The following EBAG9 variants were observed in gnomAD, a reference collection of about 807,000 sequenced individuals.
The protein encoded by EBAG9 is receptor-binding cancer antigen expressed on SiSo cells.
In EBAG9, 16 loss-of-function variants were observed where a neutral mutation model predicts 30.9. The observed-to-expected ratio is 0.52, with a 90% CI of 0.35 to 0.79. EBAG9 has a LOEUF of 0.79. Among genes scored for constraint, EBAG9 ranks in the 30% least tolerant of loss-of-function variants. The pLI is 0.01. For missense variants in EBAG9, 197 were observed against 242.1 expected (o/e 0.81, Z 1.24); for synonymous variants, 93 against 82.8 (o/e 1.12, Z -0.67).
intron 6 of EBAG9, chr8:109,563,472 C>G (rs759778050): frequency 6.3e-7 from 1 of 1,597,548 alleles, no homozygotes; most frequent in South Asian, 1.1e-5. Context: ...CCTACATTAA[C>G]CAATCAGTAA....
chr8:109,545,222 TGA>T (rs57392819), intron 1 of EBAG9, among the ~76,000 whole-genome samples: 5,003 of 145,206 alleles, frequency 0.034, 122 homozygotes, highest in African/African-American at 0.078. Context: ...CTCAGGAGGC[TGA>T]GACAGGAGAA....
intron 6 of EBAG9, among the ~76,000 whole-genome samples, chr8:109,562,754 A>G (rs1821735763): frequency 6.6e-6 from 1 of 151,778 alleles, no homozygotes; most frequent in African/African-American, 2.4e-5. Context: ...CAGATTTTGA[A>G]ATTTTTGAGA....
chr8:109,562,035 A>C (rs560370975), intron 6 of EBAG9, among the ~76,000 whole-genome samples: 3 of 152,006 alleles, frequency 2.0e-5, no homozygotes, highest in Admixed American at 2.0e-4. Context: ...ATTGTGAACT[A>C]TAACACTTAG....
At chr8:109,555,401 GTTGT>G (rs1821579174) in intron 4 of EBAG9, among the ~76,000 whole-genome samples, 1 of 152,046 alleles carries the variant, frequency 6.6e-6, no homozygotes, top group South Asian at 2.1e-4. Flanking sequence ...CTAATTATCA[GTTGT>G]TTGTTTTCTG....
chr8:109,543,135 C>CTTTTTTTTTTTTT (rs557388998), intron 1 of EBAG9, among the ~76,000 whole-genome samples: 4 of 52,876 alleles, frequency 7.6e-5, no homozygotes, highest in African/African-American at 1.6e-4. Flanking sequence ...TATTCTGGTT[C>CTTTTTTTTTTTTT]TTTTTTTTTT....
Position 109,565,311 on chromosome 8 carries a change from C to G in EBAG9, c.*752C>G, listed in dbSNP as rs1403668762. The G allele has an allele frequency of 6.6e-6, 1 of 151,978 alleles. No individual in the cohort carries two copies. Among genetic ancestry groups the G allele is most frequent in the Non-Finnish European group, 1.5e-5 (1 of 67,860 alleles). 9.4% of individuals were successfully genotyped at this position (151,978 alleles called of 1,614,324 possible). ...AAGAACTAGTATTAGTAGTTTTTTC[C>G]TTTCATTATAGATTGTAAGATGTTG... On this transcript the variant is annotated 3_prime_UTR_variant, in exon 7 of 7. Coordinates refer to ENST00000337573, the MANE Select transcript of EBAG9 (RefSeq NM_004215.5).
chr8:109,541,398 G>C (rs1412038537), intron 1 of EBAG9, among the ~76,000 whole-genome samples: 1 of 152,126 alleles, frequency 6.6e-6, no homozygotes, highest in Non-Finnish European at 1.5e-5. Flanking sequence ...GGGCTTTCGG[G>C]TCAGTCCCTT....
chr8:109,549,574 C>G (rs541793087), intron 1 of EBAG9, among the ~76,000 whole-genome samples: 5 of 152,046 alleles, frequency 3.3e-5, no homozygotes, highest in South Asian at 2.1e-4. Context: ...TCAGGTTGTT[C>G]TTCTTATGCT....
chr8:109,555,644 C>G (rs1821584155), intron 4 of EBAG9, among the ~76,000 whole-genome samples: 1 of 152,006 alleles, frequency 6.6e-6, no homozygotes, highest in Non-Finnish European at 1.5e-5. Flanking sequence ...TTGTTTGTAA[C>G]CATTATAAAA....
At chr8:109,563,327 A>T in intron 6 of EBAG9, 1 of 1,548,488 alleles carries the variant, frequency 6.5e-7, no homozygotes. Context: ...TTCCATGCCC[A>T]ATTGTGACCT....
At chr8:109,544,021 C>A (rs1326975314) in intron 1 of EBAG9, among the ~76,000 whole-genome samples, 1 of 132,688 alleles carries the variant, frequency 7.5e-6, no homozygotes, top group Non-Finnish European at 1.5e-5. Flanking sequence ...CACAGCAAGA[C>A]TCTATCTCAA....
At chr8:109,560,386 G>A (rs1402661490) in intron 5 of EBAG9, among the ~76,000 whole-genome samples, 1 of 152,204 alleles carries the variant, frequency 6.6e-6, no homozygotes, top group Admixed American at 6.5e-5. Flanking sequence ...AAGAATGACT[G>A]TGCTAGTTTT....
At chr8:109,560,780 G>A in intron 5 of EBAG9, 58 bp from the exon 6 acceptor site, 2 of 1,206,624 alleles carry the variant, frequency 1.7e-6, no homozygotes, top group Non-Finnish European at 2.4e-6. Context: ...CTTTTTAACG[G>A]CTATGTGGAG....
chr8:109,554,304 G>A (rs1160884392), intron 3 of EBAG9, among the ~76,000 whole-genome samples: 1 of 152,072 alleles, frequency 6.6e-6, no homozygotes, highest in Admixed American at 6.5e-5. Flanking sequence ...GAATAATTCT[G>A]GGTTGTTTCA....
At chr8:109,550,071 TG>T (rs1554603598) in intron 1 of EBAG9, among the ~76,000 whole-genome samples, 4 of 152,102 alleles carry the variant, frequency 2.6e-5, no homozygotes, top group Non-Finnish European at 5.9e-5. Context: ...ATTATTGATA[TG>T]GTTAGATTTA....
chr8:109,561,035 T>G, intron 6 of EBAG9, 106 bp downstream of exon 6: 1 of 884,970 alleles, frequency 1.1e-6, no homozygotes, highest in Non-Finnish European at 1.7e-6. Flanking sequence ...ATATTTTTCT[T>G]CATTTGATCC....
chr8:109,542,198 G>T (rs1208899645), intron 1 of EBAG9, among the ~76,000 whole-genome samples: 1 of 152,048 alleles, frequency 6.6e-6, no homozygotes, highest in African/African-American at 2.4e-5. Context: ...AATCACAAAA[G>T]GAAGTTTTCT....
chr8:109,560,954 A>G, intron 6 of EBAG9, 25 bp downstream of exon 6: 1 of 1,586,652 alleles, frequency 6.3e-7, no homozygotes, highest in Non-Finnish European at 8.6e-7. Flanking sequence ...TTTATATTGC[A>G]ACCTGAGTAG....
intron 4 of EBAG9, 98 bp downstream of exon 4, chr8:109,554,985 CTT>C (rs371168760): frequency 1.7e-3 from 1,642 of 945,192 alleles, no homozygotes; most frequent in Non-Finnish European, 2.0e-3. Flanking sequence ...AAGCCTATTT[CTT>C]TTTTTTTTTT....
Sources: gnomAD v4.1 joint callset for allele counts (sites outside exome capture counted in the v4.1 genomes callset) on GRCh38, gnomAD v4.1.1 for gene constraint, MANE v1.5 for transcripts, NCBI Gene and HGNC (gene_info 2026-07-23, HGNC 2026-07-21) for gene names.